The following EYS variants were observed in gnomAD, a reference collection of about 807,000 sequenced individuals.
The protein encoded by EYS is protein eyes shut homolog.
Under a neutral mutation model 282.1 loss-of-function variants are expected in EYS, and 250 were observed. The observed-to-expected ratio is 0.89, with a 90% CI of 0.80 to 0.98. EYS has a LOEUF of 0.98. Among genes scored for constraint, EYS ranks in the 50% least tolerant of loss-of-function variants. The probability of loss-of-function intolerance (pLI) is 0.00; values close to 1 mark genes in which losing one functional copy is unlikely to be tolerated. For synonymous variants in EYS, 1,355 were observed against 1,282.9 expected (o/e 1.06, Z -1.20); for missense variants, 4,016 against 3,709.0 (o/e 1.08, Z -2.15).
chr6:63,978,214 A>G (rs1766932321), intron 35 of EYS, among the ~76,000 whole-genome samples: 2 of 152,048 alleles, frequency 1.3e-5, no homozygotes, highest in African/African-American at 4.8e-5. Context: ...TAAGAAAGAT[A>G]GGAAAAACTA....
At chr6:65,602,028 A>G (rs1582505567) in intron 2 of EYS, among the ~76,000 whole-genome samples, 1 of 151,876 alleles carries the variant, frequency 6.6e-6, no homozygotes, top group Non-Finnish European at 1.5e-5. Flanking sequence ...CCAGATATCT[A>G]ATTTCTCATT....
chr6:65,239,887 AT>A (rs1390487020), intron 12 of EYS, among the ~76,000 whole-genome samples: 2 of 152,156 alleles, frequency 1.3e-5, no homozygotes, highest in Non-Finnish European at 2.9e-5. Context: ...CAGAAAAAAA[AT>A]CTGTTAAGAA....
Position 65,590,944 on chromosome 6 carries a change from T to C in EYS, c.-333+48834A>G, listed in dbSNP as rs576955914. ...ATAGTGCTACAATAAACATAAGAGTTCAGATATTTCTTCATCATATTTATT... is the reference window on the plus strand; with the variant it reads ...ATAGTGCTACAATAAACATAAGAGTCCAGATATTTCTTCATCATATTTATT... On this transcript the variant is annotated intron_variant, in intron 2 of 42. Coordinates refer to ENST00000503581, the MANE Select transcript of EYS (RefSeq NM_001142800.2). Among the ~76,000 whole-genome samples, 86 of 152,090 alleles carry C rather than the reference T, an allele frequency of 5.7e-4. 1 individual carries two copies. Among genetic ancestry groups the C allele is most frequent in the Admixed American group, 9.2e-4 (14 of 15,236 alleles).
intron 22 of EYS, among the ~76,000 whole-genome samples, chr6:64,812,270 G>C (rs987750927): frequency 8.0e-5 from 11 of 138,128 alleles, no homozygotes; most frequent in Non-Finnish European, 1.4e-4. Context: ...CACACACACA[G>C]GTACACACAC....
chr6:64,538,527 C>T (rs1764599111), intron 26 of EYS, among the ~76,000 whole-genome samples: 1 of 151,996 alleles, frequency 6.6e-6, no homozygotes, highest in Non-Finnish European at 1.5e-5. Context: ...TTTCTGTATG[C>T]TTATTTGAGA....
At chr6:64,999,040 C>A (rs907838832) in intron 13 of EYS, among the ~76,000 whole-genome samples, 1 of 152,056 alleles carries the variant, frequency 6.6e-6, no homozygotes, top group African/African-American at 2.4e-5. Context: ...TGTCTGGAAA[C>A]AGATTGTTAA....
In EYS at chr6:65,131,150, TTG is replaced by T. The variant is rs375514443; in HGVS notation, c.2024-73425_2024-73424del. Reference sequence around the variant, plus strand: ...TATTAATCACCTCTCTTAGTTACCTTTGTGTGTGTGTGTGATGAGAAGTTAGT... The same window carrying T: ...TATTAATCACCTCTCTTAGTTACCTTTGTGTGTGTGTGATGAGAAGTTAGT... On this transcript the variant is annotated intron_variant, in intron 12 of 42. Transcript: ENST00000503581. 3.3e-5 allele frequency among the ~76,000 whole-genome samples: 5 copies of T among 151,286 alleles called. No individual in the cohort carries two copies. The East Asian group carries it at 9.7e-4, about 29-fold the overall frequency.
intron 22 of EYS, among the ~76,000 whole-genome samples, chr6:64,644,036 T>C (rs1768269241): frequency 6.6e-6 from 1 of 152,200 alleles, no homozygotes; most frequent in South Asian, 2.1e-4. Context: ...GAAGTGAGAA[T>C]TTTACTCAAG....
intron 23 of EYS, among the ~76,000 whole-genome samples, chr6:64,619,023 A>G (rs967036242): frequency 6.6e-6 from 1 of 152,198 alleles, no homozygotes; most frequent in African/African-American, 2.4e-5. Flanking sequence ...GCATACATAT[A>G]TAATAAAACT....
At chr6:64,429,724 C>T (rs993060602) in intron 28 of EYS, among the ~76,000 whole-genome samples, 3 of 151,992 alleles carry the variant, frequency 2.0e-5, no homozygotes, top group Non-Finnish European at 4.4e-5. Context: ...TCTTTTCCCA[C>T]GTTAAATGAT....
At chr6:63,968,261 A>T (rs571711573) in intron 35 of EYS, among the ~76,000 whole-genome samples, 2 of 152,336 alleles carry the variant, frequency 1.3e-5, no homozygotes, top group Admixed American at 6.5e-5. Flanking sequence ...CATTATTAGA[A>T]GAGAGCTTCA....
chr6:65,311,756 T>G (rs928582101), intron 11 of EYS, among the ~76,000 whole-genome samples: 15 of 152,226 alleles, frequency 9.9e-5, no homozygotes, highest in Admixed American at 3.9e-4. Flanking sequence ...CCTTTGATTT[T>G]CTGTTTAGTA....
At chr6:65,268,422 T>C (rs1454418013) in intron 12 of EYS, among the ~76,000 whole-genome samples, 4 of 152,046 alleles carry the variant, frequency 2.6e-5, no homozygotes, top group Non-Finnish European at 5.9e-5. Context: ...AAGTAAACAA[T>C]AGTTATGATG....
At chr6:65,248,766 G>A (rs890020575) in intron 12 of EYS, among the ~76,000 whole-genome samples, 1 of 151,942 alleles carries the variant, frequency 6.6e-6, no homozygotes, top group Non-Finnish European at 1.5e-5. Context: ...TGTACAGGAA[G>A]AAAATATTAG....
At chr6:63,830,375 A>T (rs538006814) in intron 36 of EYS, among the ~76,000 whole-genome samples, 2 of 152,322 alleles carry the variant, frequency 1.3e-5, no homozygotes, top group East Asian at 3.9e-4. Flanking sequence ...AAGACCTTAA[A>T]TGACCTGATG....
intron 19 of EYS, among the ~76,000 whole-genome samples, chr6:64,829,899 G>A (rs1765165777): frequency 6.6e-6 from 1 of 151,938 alleles, no homozygotes; most frequent in South Asian, 2.1e-4. Context: ...ATTACCAGGG[G>A]AGGGACCCTT....
intron 14 of EYS, among the ~76,000 whole-genome samples, chr6:64,990,446 AAAT>A (rs1023996033): frequency 6.6e-6 from 1 of 151,666 alleles, no homozygotes; most frequent in Non-Finnish European, 1.5e-5. Context: ...TAAATATCAC[AAAT>A]AATAACGGTA....
intron 2 of EYS, among the ~76,000 whole-genome samples, chr6:65,552,900 C>G (rs1768651019): frequency 6.7e-6 from 1 of 148,876 alleles, no homozygotes; most frequent in Non-Finnish European, 1.5e-5. Context: ...TTCTAAGGTA[C>G]TTATTTTAAA....
chr6:64,751,110 C>G (rs1387124106), intron 22 of EYS, among the ~76,000 whole-genome samples: 1 of 151,806 alleles, frequency 6.6e-6, no homozygotes, highest in Non-Finnish European at 1.5e-5. Context: ...ACCTGCCAAC[C>G]TGGATTAGGA....
Sources: gnomAD v4.1 joint callset for allele counts (sites outside exome capture counted in the v4.1 genomes callset) on GRCh38, gnomAD v4.1.1 for gene constraint, MANE v1.5 for transcripts, NCBI Gene and HGNC (gene_info 2026-07-23, HGNC 2026-07-21) for gene names.